The following IL1R2 variants were observed in gnomAD, a reference collection of about 807,000 sequenced individuals.
IL1R2 encodes interleukin-1 receptor type 2.
Under a neutral mutation model 39.5 loss-of-function variants are expected in IL1R2, and 46 were observed. The ratio of observed to expected loss-of-function variants is 1.16; its 90% CI spans 0.92 to 1.49. IL1R2 has a LOEUF of 1.49. Ranked by LOEUF, IL1R2 falls within the 40% of genes most tolerant of loss-of-function variation. The probability of loss-of-function intolerance (pLI) is 0.00; values close to 1 mark genes in which losing one functional copy is unlikely to be tolerated. For missense variants in IL1R2, 537 were observed against 502.0 expected (o/e 1.07, Z -0.67); for synonymous variants, 207 against 189.6 (o/e 1.09, Z -0.75).
intron 1 of IL1R2, among the ~76,000 whole-genome samples, chr2:102,005,513 C>A (rs147149204): frequency 3.3e-5 from 5 of 152,292 alleles, no homozygotes; most frequent in Middle Eastern, 3.4e-3. Context: ...GGCGGCTTCA[C>A]GAAGCCACCA....
At chr2:102,023,745 T>C (rs950082107) in intron 6 of IL1R2, 2 of 152,126 alleles carry the variant, frequency 1.3e-5, no homozygotes, top group Non-Finnish European at 2.9e-5. Context: ...GGGCACCATC[T>C]ATAGAAAACA....
intron 5 of IL1R2, 62 bp from the exon 6 acceptor site, chr2:102,022,125 T>G: frequency 2.9e-6 from 4 of 1,370,886 alleles, no homozygotes; most frequent in Non-Finnish European, 4.2e-6. Context: ...AACAATGACT[T>G]GAACCACAGC....
intron 1 of IL1R2, among the ~76,000 whole-genome samples, chr2:102,001,030 G>A (rs1462785407): frequency 6.6e-6 from 1 of 152,192 alleles, no homozygotes; most frequent in Non-Finnish European, 1.5e-5. Flanking sequence ...CCAGGCTAGA[G>A]GAGTGGTCTT....
chr2:102,024,944 A>C, intron 7 of IL1R2: 1 of 365,310 alleles, frequency 2.7e-6, no homozygotes, highest in Non-Finnish European at 5.0e-6. Context: ...TTATTTTCGC[A>C]AGTTAAAAAA....
chr2:102,005,439 G>T (rs1261595022), intron 1 of IL1R2, among the ~76,000 whole-genome samples: 1 of 152,166 alleles, frequency 6.6e-6, no homozygotes, highest in Non-Finnish European at 1.5e-5. Context: ...CAATATATTG[G>T]GAATAGGCTT....
chr2:102,028,387 A>C lies in IL1R2; in HGVS notation c.1192A>C (p.Lys398Gln). 1.3e-6 allele frequency: 2 copies of C among 1,588,648 alleles called. No homozygotes were observed. Among genetic ancestry groups the C allele is most frequent in the Non-Finnish European group, 1.7e-6 (2 of 1,165,370 alleles). Residue 398 changes from lysine (K) to glutamine (Q), a missense_variant, in exon 9 of 9, where the codon AAG (lysine) becomes CAG (glutamine). Transcript: ENST00000332549. ...TCATCAAGACTTTCAATCCTATCCC[A>C]AGTGAAATAAATGGAATGAAATAAT... ...PHHQDFQSYP[K>Q]
chr2:101,996,800 A>G (rs1577675482), intron 1 of IL1R2, among the ~76,000 whole-genome samples: 1 of 151,876 alleles, frequency 6.6e-6, no homozygotes, highest in East Asian at 1.9e-4. Context: ...CATATATAAT[A>G]TATACTGCTA....
chr2:102,005,999 A>G (rs1335080631), intron 1 of IL1R2, among the ~76,000 whole-genome samples: 2 of 152,242 alleles, frequency 1.3e-5, no homozygotes, highest in Admixed American at 6.5e-5. Context: ...TCAGCATGAT[A>G]CTCAGTTTGT....
Position 102,016,039 on chromosome 2 carries a change from T to C in IL1R2, c.501T>C (p.Ile167=). 1 of 1,613,374 alleles carries C rather than the reference T, an allele frequency of 6.2e-7. No individual in the cohort carries two copies. ...EFTRDKTDVK[I]QWYKDSLLLD... ...CCCGTGACAAAACTGACGTGAAGATTCAATGGTACAAGGTACGGCTTTAAA... is the reference window on the plus strand; with the variant it reads ...CCCGTGACAAAACTGACGTGAAGATCCAATGGTACAAGGTACGGCTTTAAA... Residue 167 remains isoleucine (I), a synonymous_variant, in exon 4 of 9, where the codon ATT becomes ATC. Coordinates refer to ENST00000332549, the MANE Select transcript of IL1R2 (RefSeq NM_004633.4).
intron 1 of IL1R2, among the ~76,000 whole-genome samples, chr2:102,000,568 G>T (rs1386830040): frequency 6.6e-6 from 1 of 152,222 alleles, no homozygotes; most frequent in African/African-American, 2.4e-5. Context: ...TCCCAAGACT[G>T]GCAGTGTGCA....
Position 102,009,786 on chromosome 2 carries a change from G to T in IL1R2, c.292G>T (p.Ala98Ser). The T allele has an allele frequency of 1.9e-6, 3 of 1,614,234 alleles. No individual in the cohort carries two copies. The highest frequency in any genetic ancestry group is 2.5e-6 in the Non-Finnish European group (3 of 1,180,030). The change falls in exon 3 of 9, where the codon GCC (alanine) becomes TCC (serine). Residue 98 changes from alanine to serine, a missense_variant. By Grantham distance (99) the Ala-to-Ser change is moderately conservative. Transcript: ENST00000332549. ...GGACGGTGCTCTGTGGCTTCTGCCA[G>T]CCTTGCAGGAGGACTCTGGCACCTA... ...AQDGALWLLP[A>S]LQEDSGTYVC...
intron 3 of IL1R2, among the ~76,000 whole-genome samples, chr2:102,014,947 A>AAAT (rs60026295): frequency 0.25 from 35,208 of 141,380 alleles, 4,600 homozygotes; most frequent in Admixed American, 0.31. Flanking sequence ...TAGGCTAGTA[A>AAAT]AATAATAATA....
At position 102,026,518 on chromosome 2, in the gene IL1R2, G is replaced by A. The variant is rs116629689; in HGVS notation, c.1030+265G>A. ...ATGAAATGGTTCTACAGTAAACTTC[G>A]AAATACTCTGTCTGCATGTGGCTCT... On this transcript the variant is annotated intron_variant, in intron 8 of 8. Transcript: ENST00000332549. Among the ~76,000 whole-genome samples, 954 of 152,274 alleles carry A rather than the reference G, an allele frequency of 6.3e-3. 11 individuals carry two copies. Among genetic ancestry groups the A allele is most frequent in the African/African-American group, 0.022 (904 of 41,542 alleles).
intron 4 of IL1R2, 146 bp downstream of exon 4, chr2:102,016,197 G>A: frequency 1.7e-6 from 1 of 591,074 alleles, no homozygotes; most frequent in Non-Finnish European, 2.9e-6. Context: ...TCATATCTGT[G>A]AGTTCCACAT....
intron 1 of IL1R2, among the ~76,000 whole-genome samples, chr2:101,996,555 G>A (rs967524523): frequency 8.0e-4 from 113 of 142,074 alleles, no homozygotes; most frequent in African/African-American, 2.9e-3. Context: ...TGGACACAGG[G>A]CTTGGGACAA....
intron 3 of IL1R2, among the ~76,000 whole-genome samples, chr2:102,015,284 C>T (rs1266782814): frequency 6.6e-6 from 1 of 152,138 alleles, no homozygotes; most frequent in Non-Finnish European, 1.5e-5. Flanking sequence ...CTTAATGAAC[C>T]TTGGTGGCAT....
chr2:102,017,604 G>A (rs1229656451), intron 4 of IL1R2, among the ~76,000 whole-genome samples: 1 of 152,076 alleles, frequency 6.6e-6, no homozygotes. Context: ...GTTGTCTCCT[G>A]GATTTGAATG....
intron 1 of IL1R2, 94 bp downstream of exon 1, chr2:101,992,105 G>GAGAGAGAC (rs1420703285): frequency 1.3e-5 from 2 of 152,004 alleles, no homozygotes; most frequent in African/African-American, 4.9e-5. Context: ...GAGAGAGAGA[G>GAGAGAGAC]AGAGGGAGGC....
chr2:102,005,315 G>A (rs1232432039), intron 1 of IL1R2, among the ~76,000 whole-genome samples: 1 of 152,196 alleles, frequency 6.6e-6, no homozygotes, highest in Non-Finnish European at 1.5e-5. Context: ...TCAACCAGCA[G>A]AAACTGTTTA....
Sources: allele counts gnomAD v4.1 joint callset (sites outside exome capture counted in the v4.1 genomes callset), GRCh38; gene constraint gnomAD v4.1.1; transcripts MANE v1.5; gene names NCBI Gene and HGNC (gene_info 2026-07-23, HGNC 2026-07-21).